TNC: variants seen among roughly 807,000 people sequenced by gnomAD.
TNC encodes the protein tenascin C.
Under a neutral mutation model 202.4 loss-of-function variants are expected in TNC, and 109 were observed. The observed-to-expected ratio is 0.54, with a 90% CI of 0.46 to 0.63. The LOEUF is 0.63. Among genes scored for constraint, TNC ranks in the 30% least tolerant of loss-of-function variants. TNC has a pLI of 0.00. For missense variants in TNC, 2,756 were observed against 2,833.3 expected (o/e 0.97, Z 0.62); for synonymous variants, 1,007 against 1,089.7 (o/e 0.92, Z 1.50).
At chr9:115,095,516 A>C (rs1258476176) in intron 1 of TNC, among the ~76,000 whole-genome samples, 58 of 6,412 alleles carry the variant, frequency 9.0e-3, no homozygotes, top group East Asian at 0.04. Context: ...ATATATATGT[A>C]TATATATGTA....
intron 1 of TNC, among the ~76,000 whole-genome samples, chr9:115,097,658 A>G (rs1835900620): frequency 6.6e-6 from 1 of 152,208 alleles, no homozygotes; most frequent in African/African-American, 2.4e-5. Flanking sequence ...AAGAAACACC[A>G]TGAGAAAAGG....
At position 115,086,567 on chromosome 9, in the gene TNC, T is replaced by C; in HGVS notation, c.1164A>G (p.Val388=). 6.2e-7 allele frequency: 1 copy of C among 1,613,562 alleles called. No homozygotes were observed. Among genetic ancestry groups the C allele is most frequent in the Non-Finnish European group, 8.5e-7 (1 of 1,179,914 alleles). ...PADCHNRGRC[V]DGRCECDDGF... ...CATCATCACACTCACACCGCCCGTC[T>C]ACACAGCGGCCACGATTGTGACAGT... Residue 388 remains valine (V), a synonymous_variant, in exon 3 of 28, where the codon GTA becomes GTG. Coordinates refer to ENST00000350763, the MANE Select transcript of TNC (RefSeq NM_002160.4).
chr9:115,091,889 C>A (rs1158603802), intron 1 of TNC, among the ~76,000 whole-genome samples: 1 of 152,200 alleles, frequency 6.6e-6, no homozygotes, highest in Non-Finnish European at 1.5e-5. Flanking sequence ...AAGAGCCTGA[C>A]AGAATATTCT....
At chr9:115,046,352 G>C (rs1472856230) in intron 17 of TNC, 58 bp downstream of exon 17, 1 of 1,582,892 alleles carries the variant, frequency 6.3e-7, no homozygotes, top group Non-Finnish European at 8.6e-7. Context: ...TCAGCCCTGT[G>C]AGAAGAAGAC....
At chr9:115,100,899 G>GA (rs890599993) in intron 1 of TNC, among the ~76,000 whole-genome samples, 3 of 151,952 alleles carry the variant, frequency 2.0e-5, no homozygotes, top group Non-Finnish European at 2.9e-5. Flanking sequence ...AAAGCTGGGG[G>GA]AAAAAAACCT....
intron 1 of TNC, among the ~76,000 whole-genome samples, chr9:115,103,444 C>T (rs1340032357): frequency 6.6e-6 from 1 of 151,808 alleles, no homozygotes; most frequent in East Asian, 1.9e-4. Context: ...TTTTAAGTTC[C>T]CAGATACTTG....
At chr9:115,070,968 T>C (rs1410684107) in intron 10 of TNC, among the ~76,000 whole-genome samples, 1 of 152,262 alleles carries the variant, frequency 6.6e-6, no homozygotes, top group Non-Finnish European at 1.5e-5. Flanking sequence ...AAGCCTTTCC[T>C]GATTCTCTGA....
chr9:115,064,071 G>A lies in TNC; in HGVS notation c.3488-3C>T, dbSNP rs199658139. On this transcript the variant is annotated splice_region_variant and splice_polypyrimidine_tract_variant and intron_variant, in intron 11 of 27. Transcript: ENST00000350763. ...CTCTCCCAAATTGGGAGTTTCCCCTGGAGAAGGACAAAGAACTAGTTTAGT... is the reference window on the plus strand; with the variant it reads ...CTCTCCCAAATTGGGAGTTTCCCCTAGAGAAGGACAAAGAACTAGTTTAGT... The A allele has an allele frequency of 6.2e-7, 1 of 1,600,680 alleles. No individual in the cohort carries two copies. The highest frequency in any genetic ancestry group is 1.3e-5 in the African/African-American group (1 of 74,638).
At chr9:115,035,445 C>G in intron 21 of TNC, 111 bp from the exon 22 acceptor site, 1 of 1,200,220 alleles carries the variant, frequency 8.3e-7, no homozygotes, top group Non-Finnish European at 1.1e-6. Flanking sequence ...CACTGAACTA[C>G]GTGACCTTTG....
In TNC at chr9:115,057,379, G is replaced by A. The variant is rs373752579; in HGVS notation, c.4353C>T (p.Pro1451=). ...IGNLNVSDIT[P]ESFNLSWMAT... Reference sequence around the variant, plus strand: ...CCATCCAGGAGAGATTGAAGCTCTCGGGAGTTATGTCAGAAACATTTAAGT... The same window carrying A: ...CCATCCAGGAGAGATTGAAGCTCTCAGGAGTTATGTCAGAAACATTTAAGT... The change falls in exon 15 of 28, where the codon CCC becomes CCT. Residue 1451 remains proline, a synonymous_variant. Coordinates refer to ENST00000350763, the MANE Select transcript of TNC (RefSeq NM_002160.4). 1.4e-5 allele frequency: 23 copies of A among 1,613,480 alleles called. No homozygotes were observed. The highest frequency in any genetic ancestry group is 8.0e-5 in the African/African-American group (6 of 74,936).
At chr9:115,057,088 G>T in intron 15 of TNC, 65 bp downstream of exon 15, 1 of 1,530,818 alleles carries the variant, frequency 6.5e-7, no homozygotes. Context: ...AGGAGAAGGA[G>T]AGGCTTCACC....
chr9:115,113,086 A>G (rs1837207155), intron 1 of TNC, among the ~76,000 whole-genome samples: 1 of 152,162 alleles, frequency 6.6e-6, no homozygotes, highest in South Asian at 2.1e-4. Context: ...AGTTTTTTTC[A>G]AGAGGTGAAG....
At chr9:115,073,130 G>C (rs1833583438) in intron 10 of TNC, among the ~76,000 whole-genome samples, 1 of 152,060 alleles carries the variant, frequency 6.6e-6, no homozygotes, top group South Asian at 2.1e-4. Context: ...AACCTTGGCA[G>C]AAAGCAAAAG....
intron 6 of TNC, among the ~76,000 whole-genome samples, chr9:115,081,282 G>T (rs1834282633): frequency 6.6e-6 from 1 of 152,122 alleles, no homozygotes; most frequent in South Asian, 2.1e-4. Context: ...TTAGCAATGG[G>T]CTTAATTATC....
intron 4 of TNC, among the ~76,000 whole-genome samples, chr9:115,083,126 G>A (rs947618866): frequency 2.6e-5 from 4 of 152,172 alleles, no homozygotes; most frequent in Non-Finnish European, 5.9e-5. Flanking sequence ...TGCACACAGT[G>A]CTCTAAGCCT....
At chr9:115,049,408 A>G (rs1588060238) in intron 15 of TNC, among the ~76,000 whole-genome samples, 1 of 152,148 alleles carries the variant, frequency 6.6e-6, no homozygotes, top group African/African-American at 2.4e-5. Flanking sequence ...TAAGGTAGAT[A>G]TTGCTACCTG....
At chr9:115,083,584 A>C (rs1488980982) in intron 4 of TNC, among the ~76,000 whole-genome samples, 2 of 149,056 alleles carry the variant, frequency 1.3e-5, no homozygotes, top group East Asian at 2.0e-4. Flanking sequence ...ACATATACTA[A>C]CTCATATAAT....
At chr9:115,030,704 A>C (rs1829881659) in intron 23 of TNC, among the ~76,000 whole-genome samples, 1 of 152,276 alleles carries the variant, frequency 6.6e-6, no homozygotes, top group South Asian at 2.1e-4. Flanking sequence ...TTTAGGATAC[A>C]TTCATAGTTA....
At chr9:115,047,622 C>T (rs1388040557) in intron 16 of TNC, among the ~76,000 whole-genome samples, 2 of 152,228 alleles carry the variant, frequency 1.3e-5, no homozygotes, top group East Asian at 3.9e-4. Context: ...GTGGAATTTC[C>T]TCACCGAGTA....
Sources: gnomAD v4.1 joint callset for allele counts (sites outside exome capture counted in the v4.1 genomes callset) on GRCh38, gnomAD v4.1.1 for gene constraint, MANE v1.5 for transcripts, NCBI Gene and HGNC (gene_info 2026-07-23, HGNC 2026-07-21) for gene names.